TNRC6B: variants seen among roughly 807,000 people sequenced by gnomAD.
TNRC6B encodes trinucleotide repeat-containing gene 6B protein.
In TNRC6B, 52 loss-of-function variants were observed where a neutral mutation model predicts 203.6. The observed-to-expected ratio is 0.26, with a 90% CI of 0.20 to 0.32. The LOEUF is 0.32. TNRC6B is among the 10% of genes least tolerant of loss of function. TNRC6B has a pLI of 1.00. For synonymous variants in TNRC6B, 838 were observed against 845.7 expected (o/e 0.99, Z 0.16); for missense variants, 1,923 against 2,286.2 (o/e 0.84, Z 3.24).
intron 1 of TNRC6B, among the ~76,000 whole-genome samples, chr22:40,228,577 C>T (rs1312469861): frequency 1.1e-4 from 16 of 148,856 alleles, no homozygotes; most frequent in Non-Finnish European, 1.6e-4. Context: ...TGGAGTGCAG[C>T]GGCGTGATCT....
At chr22:40,318,126 G>A (rs957223082) in intron 21 of TNRC6B, among the ~76,000 whole-genome samples, 7 of 152,130 alleles carry the variant, frequency 4.6e-5, no homozygotes, top group Non-Finnish European at 7.4e-5. Flanking sequence ...TTGCCCATTT[G>A]TAGGGAGTAA....
chr22:40,118,750 A>T (rs149804243), intron 2 of TNRC6B, among the ~76,000 whole-genome samples: 1 of 152,218 alleles, frequency 6.6e-6, no homozygotes, highest in Non-Finnish European at 1.5e-5. Flanking sequence ...AGAGGAATCT[A>T]TGTGAGTAAA....
At chr22:40,081,307 GTTTTTTTTTT>G (rs34140652) in intron 1 of TNRC6B, among the ~76,000 whole-genome samples, 2 of 101,504 alleles carry the variant, frequency 2.0e-5, no homozygotes, top group African/African-American at 7.3e-5. Context: ...GTGTCTGCGT[GTTTTTTTTTT>G]TTTTTTTTTT....
chr22:40,146,628 G>A (rs529394922), intron 3 of TNRC6B, among the ~76,000 whole-genome samples: 30 of 142,992 alleles, frequency 2.1e-4, no homozygotes, highest in African/African-American at 6.7e-4. Flanking sequence ...GTGCAGTGGC[G>A]CAATCTCAGC....
intron 4 of TNRC6B, among the ~76,000 whole-genome samples, chr22:40,165,386 G>A (rs1337597496): frequency 6.6e-6 from 1 of 151,870 alleles, no homozygotes; most frequent in Non-Finnish European, 1.5e-5. Context: ...TATGTTGCCA[G>A]GCTGGTTTTG....
At chr22:40,115,409 G>A (rs185713288) in intron 1 of TNRC6B, among the ~76,000 whole-genome samples, 26 of 152,254 alleles carry the variant, frequency 1.7e-4, no homozygotes, top group Middle Eastern at 6.8e-3. Flanking sequence ...ACGTAGCCTC[G>A]AGTTCTCTGT....
chr22:40,144,676 G>GAA (rs34160632), intron 3 of TNRC6B, among the ~76,000 whole-genome samples: 63 of 97,226 alleles, frequency 6.5e-4, no homozygotes, highest in African/African-American at 1.1e-3. Context: ...CTCCGTCTCG[G>GAA]AAAAAAAAAA....
At chr22:40,290,158 C>G (rs2070850492) in intron 12 of TNRC6B, among the ~76,000 whole-genome samples, 1 of 152,204 alleles carries the variant, frequency 6.6e-6, no homozygotes, top group Non-Finnish European at 1.5e-5. Flanking sequence ...ACCGCACTGT[C>G]CAGTGTGATA....
chr22:40,160,380 G>A (rs1039088872), intron 4 of TNRC6B, among the ~76,000 whole-genome samples: 4 of 150,956 alleles, frequency 2.6e-5, no homozygotes, highest in Non-Finnish European at 4.4e-5. Context: ...GGAGGCTGAG[G>A]CAGGAGAATG....
At chr22:40,068,682 T>C (rs2067919055) in intron 1 of TNRC6B, among the ~76,000 whole-genome samples, 1 of 152,168 alleles carries the variant, frequency 6.6e-6, no homozygotes, top group Non-Finnish European at 1.5e-5. Flanking sequence ...TTGTCTTGTT[T>C]TCTTTTCATT....
rs911915489 is a variant in TNRC6B, at chr22:40,328,610, T to C, written c.*5369T>C. 6 of 152,198 alleles carry C rather than the reference T, an allele frequency of 3.9e-5. No individual in the cohort carries two copies. The highest frequency in any genetic ancestry group is 8.8e-5 in the Non-Finnish European group (6 of 68,024). The allele number at this position is 152,198 out of a possible 1,614,324, so 9.4% of individuals were successfully genotyped here. The stretch of plus-strand genomic sequence containing the variant: ...TTTTGACCTCAGATGCTGTGTACTT[T>C]TTAATTTCATTTTTTATATTCTGCC... On this transcript the variant is annotated 3_prime_UTR_variant, in exon 23 of 23. Coordinates refer to ENST00000454349, the MANE Select transcript of TNRC6B (RefSeq NM_001162501.2).
chr22:40,313,185 T>C (rs2071210063), intron 19 of TNRC6B, among the ~76,000 whole-genome samples, 188 bp downstream of exon 19: 1 of 152,198 alleles, frequency 6.6e-6, no homozygotes, highest in Non-Finnish European at 1.5e-5. Flanking sequence ...TCAGGAAGGA[T>C]GAGCCAGATA....
Position 40,287,135 on chromosome 22 carries a change from A to G in TNRC6B, c.3708+1365A>G, listed in dbSNP as rs555724305. ...AGCAGTCCTCCCTCCTCAGCCTCCAAGTAGCTGGGGACTACAGATGCACAC... is the reference window on the plus strand; with the variant it reads ...AGCAGTCCTCCCTCCTCAGCCTCCAGGTAGCTGGGGACTACAGATGCACAC... On this transcript the variant is annotated intron_variant, in intron 12 of 22. Transcript: ENST00000454349. Among the ~76,000 whole-genome samples, 6 of 152,154 alleles carry G rather than the reference A, an allele frequency of 3.9e-5. No homozygotes were observed. The South Asian group carries it at 1.2e-3, about 32-fold the overall frequency.
At chr22:40,150,645 G>T (rs375015021) in intron 3 of TNRC6B, among the ~76,000 whole-genome samples, 164 of 152,290 alleles carry the variant, frequency 1.1e-3, no homozygotes, top group African/African-American at 3.8e-3. Flanking sequence ...AAAAGCTGAG[G>T]GTGGGTGTGA....
At chr22:40,086,151 A>T (rs1280184524) in intron 1 of TNRC6B, among the ~76,000 whole-genome samples, 1 of 152,180 alleles carries the variant, frequency 6.6e-6, no homozygotes, top group Non-Finnish European at 1.5e-5. Context: ...GATTACAGGC[A>T]TGAGCCACCA....
intron 12 of TNRC6B, among the ~76,000 whole-genome samples, chr22:40,295,335 G>GT (rs1418904698): frequency 2.0e-5 from 3 of 151,994 alleles, no homozygotes; most frequent in Non-Finnish European, 4.4e-5. Context: ...AAAGGTAAGC[G>GT]TGGTGGCGGG....
chr22:40,299,158 C>CAAA, intron 12 of TNRC6B, among the ~76,000 whole-genome samples: 1 of 103,072 alleles, frequency 9.7e-6, no homozygotes, highest in South Asian at 3.0e-4. Context: ...AAAAAAAAAA[C>CAAA]AAAAAAAAAA....
intron 3 of TNRC6B, among the ~76,000 whole-genome samples, chr22:40,149,213 A>G (rs564392169): frequency 6.6e-6 from 1 of 152,342 alleles, no homozygotes; most frequent in African/African-American, 2.4e-5. Context: ...TTGAAACCAC[A>G]TGGATGAATT....
At chr22:40,075,156 A>ATATATATATATATATTTTTT in intron 1 of TNRC6B, among the ~76,000 whole-genome samples, 2 of 35,558 alleles carry the variant, frequency 5.6e-5, no homozygotes, top group African/African-American at 1.0e-4. Flanking sequence ...ATATATATAT[A>ATATATATATATATATTTTTT]TTTTTTTTTT....
Sources: gnomAD v4.1 joint callset for allele counts (sites outside exome capture counted in the v4.1 genomes callset) on GRCh38, gnomAD v4.1.1 for gene constraint, MANE v1.5 for transcripts, NCBI Gene and HGNC (gene_info 2026-07-23, HGNC 2026-07-21) for gene names.